KCTD8: variants seen among roughly 807,000 people sequenced by gnomAD.
The protein encoded by KCTD8 is BTB/POZ domain-containing protein KCTD8.
Under a neutral mutation model 31.5 loss-of-function variants are expected in KCTD8, and 27 were observed. That is an observed-to-expected ratio of 0.86 (90% CI 0.63 to 1.18). KCTD8 has a LOEUF of 1.18. Ranked by LOEUF, KCTD8 falls within the 50% of genes most tolerant of loss-of-function variation. KCTD8 has a pLI of 0.00. For synonymous variants in KCTD8, 290 were observed against 280.0 expected (o/e 1.04, Z -0.36); for missense variants, 658 against 647.7 (o/e 1.02, Z -0.17).
At chr4:44,426,309 C>G (rs1278975364) in intron 1 of KCTD8, among the ~76,000 whole-genome samples, 1 of 130,746 alleles carries the variant, frequency 7.6e-6, no homozygotes, top group Non-Finnish European at 1.8e-5. Context: ...GAAATCAAAC[C>G]CACCAAAAAA....
intron 1 of KCTD8, among the ~76,000 whole-genome samples, chr4:44,267,594 A>G (rs886420969): frequency 1.5e-4 from 23 of 152,202 alleles, no homozygotes; most frequent in African/African-American, 4.8e-4. Flanking sequence ...CAAAAAATTA[A>G]TGAATCCAGG....
intron 1 of KCTD8, among the ~76,000 whole-genome samples, chr4:44,272,142 A>ATATATATATATAT (rs1560412318): frequency 2.9e-5 from 4 of 135,776 alleles, no homozygotes; most frequent in African/African-American, 1.4e-4. Context: ...TATATATATA[A>ATATATATATATAT]ATGCTGAACC....
chr4:44,415,899 G>A lies in KCTD8; in HGVS notation c.961+31664C>T, dbSNP rs562098105. Among the ~76,000 whole-genome samples the A allele has an allele frequency of 7.9e-5, 12 of 152,344 alleles. No individual in the cohort carries two copies. In the East Asian group the frequency reaches 1.4e-3, roughly 17 times the overall value. On this transcript the variant is annotated intron_variant, in intron 1 of 1. Coordinates refer to ENST00000360029, the MANE Select transcript of KCTD8 (RefSeq NM_198353.3). ...TGGACCCACAGAGTCCCCACCAGGG[G>A]ACTGTCAGGTGGAGCTGTGAGAAGG...
intron 1 of KCTD8, among the ~76,000 whole-genome samples, chr4:44,201,653 G>A (rs1714152975): frequency 6.6e-6 from 1 of 152,012 alleles, no homozygotes; most frequent in Non-Finnish European, 1.5e-5. Flanking sequence ...ATTAACTCAA[G>A]ATGGATTAAA....
chr4:44,190,813 C>T (rs1713743315), intron 1 of KCTD8, among the ~76,000 whole-genome samples: 1 of 152,108 alleles, frequency 6.6e-6, no homozygotes, highest in Admixed American at 6.5e-5. Flanking sequence ...TTCAGTGATT[C>T]CTATGATCAA....
intron 1 of KCTD8, among the ~76,000 whole-genome samples, chr4:44,211,761 C>T (rs1008599218): frequency 6.6e-6 from 1 of 151,852 alleles, no homozygotes; most frequent in Non-Finnish European, 1.5e-5. Flanking sequence ...TTGTCTGCTG[C>T]AACTTACATA....
chr4:44,221,683 GGGC>G (rs1299607418), intron 1 of KCTD8, among the ~76,000 whole-genome samples: 1 of 152,082 alleles, frequency 6.6e-6, no homozygotes, highest in Non-Finnish European at 1.5e-5. Flanking sequence ...CAATATTTGA[GGGC>G]AGCAAGCATC....
intron 1 of KCTD8, among the ~76,000 whole-genome samples, chr4:44,228,141 A>G (rs1019970278): frequency 2.6e-5 from 4 of 152,220 alleles, no homozygotes; most frequent in African/African-American, 9.6e-5. Flanking sequence ...GCCTTAACAA[A>G]GCTCCACAAA....
intron 1 of KCTD8, among the ~76,000 whole-genome samples, chr4:44,301,749 T>G (rs915063619): frequency 1.2e-4 from 19 of 152,216 alleles, no homozygotes; most frequent in African/African-American, 4.6e-4. Flanking sequence ...ATTTTGGCTT[T>G]TGTTGCCATT....
chr4:44,387,893 T>C (rs1720263844), intron 1 of KCTD8, among the ~76,000 whole-genome samples: 1 of 151,210 alleles, frequency 6.6e-6, no homozygotes, highest in Non-Finnish European at 1.5e-5. Flanking sequence ...AAGAGCTGCA[T>C]GGCAAAAGAA....
intron 1 of KCTD8, among the ~76,000 whole-genome samples, chr4:44,181,825 T>A (rs1713418703): frequency 6.9e-6 from 1 of 144,594 alleles, no homozygotes; most frequent in Non-Finnish European, 1.5e-5. Context: ...CGGCTGCCCA[T>A]CGTCTGAGAT....
At chr4:44,339,409 G>T (rs1168116945) in intron 1 of KCTD8, among the ~76,000 whole-genome samples, 3 of 152,052 alleles carry the variant, frequency 2.0e-5, no homozygotes, top group Non-Finnish European at 4.4e-5. Flanking sequence ...AAAATTTAGG[G>T]TTAATATCAA....
At chr4:44,416,300 G>T (rs1015136296) in intron 1 of KCTD8, among the ~76,000 whole-genome samples, 2 of 152,202 alleles carry the variant, frequency 1.3e-5, no homozygotes, top group African/African-American at 4.8e-5. Context: ...AGGCACAGAG[G>T]TGGATGGAGA....
At chr4:44,352,216 T>C (rs1383048440) in intron 1 of KCTD8, among the ~76,000 whole-genome samples, 2 of 151,972 alleles carry the variant, frequency 1.3e-5, no homozygotes, top group Non-Finnish European at 2.9e-5. Flanking sequence ...AAATCATGCA[T>C]ATTCCTCAGT....
At chr4:44,354,129 A>G (rs1719284393) in intron 1 of KCTD8, among the ~76,000 whole-genome samples, 1 of 152,070 alleles carries the variant, frequency 6.6e-6, no homozygotes, top group Admixed American at 6.6e-5. Context: ...CCTTTCTACC[A>G]ATCTTTTTTC....
In KCTD8 at chr4:44,246,061, G is replaced by A. The variant is rs543957591; in HGVS notation, c.962-70811C>T. ...ATAATGTCTGACCCCCAAAATTACT[G>A]AGCTAGAGTTATAACAGATTCCAAT... On this transcript the variant is annotated intron_variant, in intron 1 of 1. Transcript: ENST00000360029. Among the ~76,000 whole-genome samples the A allele has an allele frequency of 5.9e-5, 9 of 152,058 alleles. No homozygotes were observed. In the East Asian group the frequency reaches 1.7e-3, roughly 29 times the overall value.
chr4:44,445,458 T>C (rs1158422336), intron 1 of KCTD8, among the ~76,000 whole-genome samples: 2 of 152,202 alleles, frequency 1.3e-5, no homozygotes, highest in Non-Finnish European at 2.9e-5. Flanking sequence ...TTATTCATAA[T>C]ATGAATATTT....
chr4:44,376,489 T>C (rs1401695831), intron 1 of KCTD8, among the ~76,000 whole-genome samples: 1 of 152,202 alleles, frequency 6.6e-6, no homozygotes, highest in African/African-American at 2.4e-5. Context: ...ATTTATAAAG[T>C]TTATTTTCTT....
At chr4:44,350,003 G>C (rs1256782374) in intron 1 of KCTD8, among the ~76,000 whole-genome samples, 2 of 151,994 alleles carry the variant, frequency 1.3e-5, no homozygotes, top group Admixed American at 1.3e-4. Context: ...CACTGACTAG[G>C]TATATAACTT....
Sources: allele counts gnomAD v4.1 joint callset (sites outside exome capture counted in the v4.1 genomes callset), GRCh38; gene constraint gnomAD v4.1.1; transcripts MANE v1.5; gene names NCBI Gene and HGNC (gene_info 2026-07-23, HGNC 2026-07-21).